The following HS6ST3 variants were observed in gnomAD, a reference collection of about 807,000 sequenced individuals.
HS6ST3 encodes heparan sulfate 6-O-sulfotransferase 3, also known as heparan-sulfate 6-O-sulfotransferase 3.
Under a neutral mutation model 36.7 loss-of-function variants are expected in HS6ST3, and 12 were observed. The observed-to-expected ratio is 0.33, with a 90% confidence interval of 0.21 to 0.53. The LOEUF (loss-of-function observed/expected upper bound fraction) is 0.53. Ranked by LOEUF, HS6ST3 falls within the 20% of genes least tolerant of loss-of-function variation. The probability of loss-of-function intolerance (pLI) is 0.95; values close to 1 mark genes in which losing one functional copy is unlikely to be tolerated. For synonymous variants in HS6ST3, 240 were observed against 257.5 expected, an observed-to-expected ratio of 0.93 and a Z score of 0.65; for missense variants, 584 against 640.9, an observed-to-expected ratio of 0.91 and a Z score of 0.96.
Position 96,091,087 on chromosome 13 carries a change from C to T in HS6ST3, c.225C>T (p.Pro75=), listed in dbSNP as rs2053760392. ...WERRPQLPPP[P]RGPPEGPRGA... ...GGCGGCCCCAGTTGCCCCCGCCGCC[C>T]CGGGGGCCCCCCGAGGGACCTCGGG... Residue 75 remains proline, a synonymous_variant, in exon 1 of 2, where the codon CCC becomes CCT. Transcript: ENST00000376705. The T allele has an allele frequency of 4.6e-6, 6 of 1,301,026 alleles. No individual in the cohort carries two copies. The highest frequency in any genetic ancestry group is 5.8e-6 in the Non-Finnish European group (6 of 1,029,618). The allele number at this position is 1,301,026 out of a possible 1,614,324, so 80.6% of individuals were successfully genotyped here.
chr13:96,689,260 TC>T (rs910927157), intron 1 of HS6ST3, among the ~76,000 whole-genome samples: 20 of 152,148 alleles, frequency 1.3e-4, no homozygotes, highest in African/African-American at 4.8e-4. Context: ...CTCATTAGGG[TC>T]CTGAAAGGCA....
intron 1 of HS6ST3, among the ~76,000 whole-genome samples, chr13:96,114,951 T>TTA (rs2053887112): frequency 6.6e-6 from 1 of 152,140 alleles, no homozygotes; most frequent in Admixed American, 6.5e-5. Context: ...TTTGACTGAA[T>TTA]TTCTAGAGGT....
chr13:96,321,606 G>C (rs555220716), intron 1 of HS6ST3, among the ~76,000 whole-genome samples: 4 of 152,112 alleles, frequency 2.6e-5, no homozygotes, highest in Admixed American at 2.6e-4. Context: ...CCTTTTCACT[G>C]TCTCTCACTG....
chr13:96,091,675 C>G (rs1278087449), intron 1 of HS6ST3, 106 bp downstream of exon 1: 1 of 1,417,566 alleles, frequency 7.1e-7, no homozygotes, highest in South Asian at 1.4e-5. Context: ...CGATGGTTTC[C>G]TGGCGTCTTC....
At chr13:96,300,047 C>CTTTTT (rs11350737) in intron 1 of HS6ST3, among the ~76,000 whole-genome samples, 1 of 74,522 alleles carries the variant, frequency 1.3e-5, no homozygotes, top group Non-Finnish European at 2.5e-5. Flanking sequence ...AAGTGCTACA[C>CTTTTT]TTTTTTTTTT....
chr13:96,536,436 T>C (rs2056155635), intron 1 of HS6ST3, among the ~76,000 whole-genome samples: 1 of 152,178 alleles, frequency 6.6e-6, no homozygotes, highest in African/African-American at 2.4e-5. Flanking sequence ...ATAGACAACA[T>C]AAAAATAAGA....
chr13:96,670,943 A>G (rs565662074), intron 1 of HS6ST3, among the ~76,000 whole-genome samples: 1 of 152,208 alleles, frequency 6.6e-6, no homozygotes, highest in South Asian at 2.1e-4. Context: ...CTCCTTGACC[A>G]TGTCTCTGAT....
rs937497990 is a variant in HS6ST3 at position 96,469,752 on chromosome 13, G to A, written c.708-362738G>A. The stretch of plus-strand genomic sequence containing the variant: ...GGTGATGGTGGTGATGGCGGTGGTG[G>A]TGATGGTAATGGTGATGTTGGTAGA... On this transcript the variant is annotated intron_variant, in intron 1 of 1. Coordinates refer to ENST00000376705, the MANE Select transcript of HS6ST3 (RefSeq NM_153456.4). Among the ~76,000 whole-genome samples, 10 of 152,174 alleles carry A rather than the reference G, an allele frequency of 6.6e-5. No individual in the cohort carries two copies. In the South Asian group the frequency reaches 1.9e-3, roughly 28 times the overall value.
chr13:96,799,942 G>C (rs1229165922), intron 1 of HS6ST3, among the ~76,000 whole-genome samples: 1 of 93,968 alleles, frequency 1.1e-5, no homozygotes, highest in Non-Finnish European at 2.0e-5. Flanking sequence ...ATATATGTGT[G>C]TGTATATATA....
At chr13:96,157,419 G>A (rs2054115505) in intron 1 of HS6ST3, among the ~76,000 whole-genome samples, 1 of 152,220 alleles carries the variant, frequency 6.6e-6, no homozygotes, top group South Asian at 2.1e-4. Flanking sequence ...CAGCTGGCAG[G>A]AAGAGATATT....
chr13:96,341,453 T>G (rs936040019), intron 1 of HS6ST3, among the ~76,000 whole-genome samples: 1 of 152,320 alleles, frequency 6.6e-6, no homozygotes, highest in Non-Finnish European at 1.5e-5. Flanking sequence ...TATAAATCAA[T>G]AATTTTTTGT....
intron 1 of HS6ST3, among the ~76,000 whole-genome samples, chr13:96,616,502 G>A (rs565512044): frequency 1.2e-4 from 19 of 152,038 alleles, no homozygotes; most frequent in African/African-American, 2.2e-4. Flanking sequence ...ATGCTAATGC[G>A]CACAAACCCA....
intron 1 of HS6ST3, among the ~76,000 whole-genome samples, chr13:96,256,890 G>A (rs776436365): frequency 1.3e-5 from 2 of 151,448 alleles, no homozygotes; most frequent in Admixed American, 6.6e-5. Context: ...AAATATTTAC[G>A]TCGGGACAAC....
intron 1 of HS6ST3, among the ~76,000 whole-genome samples, chr13:96,655,612 G>GA (rs34095776): frequency 2.6e-5 from 4 of 151,732 alleles, no homozygotes. Flanking sequence ...CCATCTCTAG[G>GA]AAAAAAAATT....
chr13:96,580,322 C>T (rs919734187), intron 1 of HS6ST3, among the ~76,000 whole-genome samples: 5 of 151,006 alleles, frequency 3.3e-5, no homozygotes, highest in Non-Finnish European at 5.9e-5. Context: ...TTATCATTTT[C>T]ACCTTCACTA....
intron 1 of HS6ST3, among the ~76,000 whole-genome samples, chr13:96,635,444 C>A (rs1048081221): frequency 6.6e-6 from 1 of 152,016 alleles, no homozygotes; most frequent in East Asian, 1.9e-4. Context: ...GAACCCACCC[C>A]CCTCTTCACT....
chr13:96,623,399 A>G (rs992189249), intron 1 of HS6ST3, among the ~76,000 whole-genome samples: 2 of 151,714 alleles, frequency 1.3e-5, no homozygotes, highest in Admixed American at 6.6e-5. Context: ...TTTGCTTACG[A>G]ACCCAGTTAT....
intron 1 of HS6ST3, among the ~76,000 whole-genome samples, chr13:96,678,246 C>T (rs771027939): frequency 6.6e-6 from 1 of 152,170 alleles, no homozygotes; most frequent in South Asian, 2.1e-4. Context: ...GAACATGGAG[C>T]CTTCATGGTC....
intron 1 of HS6ST3, among the ~76,000 whole-genome samples, chr13:96,247,544 G>T (rs1763345399): frequency 6.6e-6 from 1 of 152,088 alleles, no homozygotes; most frequent in South Asian, 2.1e-4. Flanking sequence ...CCAAATGATT[G>T]TAAGTTTCCT....
Sources: gnomAD v4.1 joint callset for allele counts (sites outside exome capture counted in the v4.1 genomes callset) on GRCh38, gnomAD v4.1.1 for gene constraint, MANE v1.5 for transcripts, NCBI Gene and HGNC (gene_info 2026-07-23, HGNC 2026-07-21) for gene names.